CRTC3: variants seen among roughly 807,000 people sequenced by gnomAD.
The protein encoded by CRTC3 is CREB-regulated transcription coactivator 3.
In CRTC3, 26 loss-of-function variants were observed where a neutral mutation model predicts 74.5. That is an observed-to-expected ratio of 0.35 (90% CI 0.26 to 0.48). The LOEUF is 0.48. Among genes scored for constraint, CRTC3 ranks in the 20% least tolerant of loss-of-function variants. The pLI, the probability that CRTC3 is intolerant of heterozygous loss-of-function variation, is 0.99. For missense variants in CRTC3, 760 were observed against 787.3 expected, an observed-to-expected ratio of 0.97 and a Z score of 0.41; for synonymous variants, 377 against 325.8, an observed-to-expected ratio of 1.16 and a Z score of -1.69.
chr15:90,572,206 A>G (rs981871628), intron 2 of CRTC3, among the ~76,000 whole-genome samples: 3 of 150,074 alleles, frequency 2.0e-5, no homozygotes, highest in East Asian at 1.9e-4. Flanking sequence ...CACCTTAGGT[A>G]TCTTTCTATG....
chr15:90,609,188 G>C (rs901348976), intron 6 of CRTC3, among the ~76,000 whole-genome samples: 2 of 152,194 alleles, frequency 1.3e-5, no homozygotes, highest in African/African-American at 4.8e-5. Context: ...ATGATTGTTT[G>C]CTTGTAAACT....
chr15:90,540,349 T>C (rs972748417), intron 2 of CRTC3, among the ~76,000 whole-genome samples: 4 of 152,220 alleles, frequency 2.6e-5, no homozygotes, highest in Non-Finnish European at 5.9e-5. Context: ...GCAAGTAGAA[T>C]TATAACACAA....
intron 2 of CRTC3, among the ~76,000 whole-genome samples, chr15:90,549,460 C>A (rs1057352001): frequency 2.0e-5 from 3 of 151,934 alleles, no homozygotes; most frequent in African/African-American, 7.3e-5. Context: ...AATTTTAAAG[C>A]CTTTTTAATA....
chr15:90,551,018 TC>T (rs1340408496), intron 2 of CRTC3, among the ~76,000 whole-genome samples: 2 of 152,170 alleles, frequency 1.3e-5, no homozygotes, highest in Admixed American at 1.3e-4. Context: ...AAAGCACCGA[TC>T]TGTCCTCTAC....
intron 14 of CRTC3, 48 bp downstream of exon 14, chr15:90,641,247 T>C: frequency 8.0e-7 from 1 of 1,246,024 alleles, no homozygotes; most frequent in Non-Finnish European, 1.2e-6. Flanking sequence ...TGTTGTTGTG[T>C]GTTCAGGAAC....
chr15:90,562,112 C>A (rs1027211842), intron 2 of CRTC3, among the ~76,000 whole-genome samples: 1 of 152,168 alleles, frequency 6.6e-6, no homozygotes, highest in Non-Finnish European at 1.5e-5. Flanking sequence ...GAAAGCTCTC[C>A]CCTCCCCATT....
At chr15:90,552,253 C>G (rs1043820061) in intron 2 of CRTC3, among the ~76,000 whole-genome samples, 1 of 152,126 alleles carries the variant, frequency 6.6e-6, no homozygotes, top group Non-Finnish European at 1.5e-5. Context: ...TACTGCGGCC[C>G]GAGCAGCCGG....
intron 1 of CRTC3, among the ~76,000 whole-genome samples, chr15:90,531,348 G>C (rs909714813): frequency 2.0e-5 from 3 of 152,156 alleles, no homozygotes; most frequent in Admixed American, 2.0e-4. Flanking sequence ...GGGTGATGAT[G>C]AAAGGGAGCT....
At position 90,599,940 on chromosome 15, in the gene CRTC3, C is replaced by T. The variant is rs148918575; in HGVS notation, c.352-2384C>T. Among the ~76,000 whole-genome samples, 140 of 152,230 alleles carry T rather than the reference C, an allele frequency of 9.2e-4. 1 individual carries two copies. The highest frequency in any genetic ancestry group is 3.3e-3 in the African/African-American group (138 of 41,558). ...TGCAGAAAAGAGAAAGGCAGATAAC[C>T]GTAGGTTCTGAGGCTCGGTGTTTCC... On this transcript the variant is annotated intron_variant, in intron 3 of 14. Coordinates refer to ENST00000268184, the MANE Select transcript of CRTC3 (RefSeq NM_022769.5).
At chr15:90,541,393 T>G (rs1966799349) in intron 2 of CRTC3, among the ~76,000 whole-genome samples, 1 of 152,068 alleles carries the variant, frequency 6.6e-6, no homozygotes, top group Non-Finnish European at 1.5e-5. Flanking sequence ...CATTTGAGAG[T>G]GCTGATAGGA....
At position 90,557,297 on chromosome 15, in the gene CRTC3, G is replaced by C. The variant is rs567018056; in HGVS notation, c.231+17160G>C. ...AGCACCCCCTCACAGTCTAGGAGCA[G>C]CTTCTCTCTCCCCCACATTTTGAGC... On this transcript the variant is annotated intron_variant, in intron 2 of 14. Coordinates refer to ENST00000268184, the MANE Select transcript of CRTC3 (RefSeq NM_022769.5). Among the ~76,000 whole-genome samples the C allele has an allele frequency of 6.6e-5, 10 of 152,248 alleles. No homozygotes were observed. The East Asian group carries it at 1.9e-3, about 29-fold the overall frequency.
chr15:90,600,516 G>A (rs1968041337), intron 3 of CRTC3: 1 of 152,232 alleles, frequency 6.6e-6, no homozygotes. Flanking sequence ...TTAGCGGAGA[G>A]CTCTCAGGCT....
At chr15:90,544,280 C>G (rs759845584) in intron 2 of CRTC3, among the ~76,000 whole-genome samples, 1 of 152,224 alleles carries the variant, frequency 6.6e-6, no homozygotes, top group Non-Finnish European at 1.5e-5. Context: ...GTGTTTAAAT[C>G]TTCCTCTCCT....
At chr15:90,586,660 C>G (rs1241636808) in intron 2 of CRTC3, among the ~76,000 whole-genome samples, 2 of 152,006 alleles carry the variant, frequency 1.3e-5, no homozygotes, top group Non-Finnish European at 2.9e-5. Flanking sequence ...GTGCCTGGCC[C>G]TGTAGAACTT....
chr15:90,538,607 TG>T (rs1218886061), intron 1 of CRTC3, among the ~76,000 whole-genome samples: 1 of 151,930 alleles, frequency 6.6e-6, no homozygotes, highest in East Asian at 1.9e-4. Flanking sequence ...GAAAGATGAT[TG>T]TATATAAGTT....
At chr15:90,565,232 G>A (rs768808774) in intron 2 of CRTC3, among the ~76,000 whole-genome samples, 1 of 152,288 alleles carries the variant, frequency 6.6e-6, no homozygotes, top group South Asian at 2.1e-4. Flanking sequence ...ACAGGTGTGA[G>A]CCACCGTGCC....
intron 1 of CRTC3, among the ~76,000 whole-genome samples, chr15:90,533,686 A>G (rs1405077444): frequency 6.6e-6 from 1 of 152,210 alleles, no homozygotes; most frequent in Non-Finnish European, 1.5e-5. Flanking sequence ...GTAATGAGCA[A>G]GCAAAACACA....
chr15:90,558,492 C>T (rs1286583832), intron 2 of CRTC3, among the ~76,000 whole-genome samples: 1 of 152,158 alleles, frequency 6.6e-6, no homozygotes, highest in Admixed American at 6.5e-5. Flanking sequence ...CTCCAACACC[C>T]TCCTCACTCA....
intron 2 of CRTC3, among the ~76,000 whole-genome samples, chr15:90,547,844 C>T (rs1966847074): frequency 6.7e-6 from 1 of 150,124 alleles, no homozygotes; most frequent in South Asian, 2.1e-4. Context: ...CAAAGGGCTT[C>T]TCTCTGTATA....
Sources: gnomAD v4.1 joint callset for allele counts (sites outside exome capture counted in the v4.1 genomes callset) on GRCh38, gnomAD v4.1.1 for gene constraint, MANE v1.5 for transcripts, NCBI Gene and HGNC (gene_info 2026-07-23, HGNC 2026-07-21) for gene names.